The following RIPOR2 variants were observed in gnomAD, a reference collection of about 807,000 sequenced individuals.
RIPOR2 encodes the protein rho family-interacting cell polarization regulator 2.
In RIPOR2, 39 loss-of-function variants were observed where a neutral mutation model predicts 114.5. That is an observed-to-expected ratio of 0.34 (90% CI 0.26 to 0.44). The LOEUF is 0.44. Ranked by LOEUF, RIPOR2 falls within the 20% of genes least tolerant of loss-of-function variation. The pLI is 1.00. For missense variants in RIPOR2, 1,007 were observed against 1,255.1 expected (o/e 0.80, Z 2.99); for synonymous variants, 445 against 484.4 (o/e 0.92, Z 1.07).
intron 1 of RIPOR2, among the ~76,000 whole-genome samples, chr6:24,884,156 C>A (rs1766592032): frequency 6.6e-6 from 1 of 152,132 alleles, no homozygotes; most frequent in Non-Finnish European, 1.5e-5. Context: ...CGCCTGTAAT[C>A]CCAGCACTTT....
chr6:24,808,303 T>C (rs886811105), intron 21 of RIPOR2, among the ~76,000 whole-genome samples: 1 of 152,238 alleles, frequency 6.6e-6, no homozygotes, highest in African/African-American at 2.4e-5. Context: ...AGAAGCTTCG[T>C]TGGCTATGCT....
At chr6:24,885,476 G>A (rs528085814) in intron 1 of RIPOR2, among the ~76,000 whole-genome samples, 11 of 152,048 alleles carry the variant, frequency 7.2e-5, no homozygotes, top group East Asian at 1.9e-4. Flanking sequence ...CTCCTGCCTC[G>A]GCCTCCCAAA....
At chr6:24,977,438 G>A (rs1258934245) in intron 1 of RIPOR2, among the ~76,000 whole-genome samples, 1 of 151,836 alleles carries the variant, frequency 6.6e-6, no homozygotes, top group Non-Finnish European at 1.5e-5. Context: ...TTAAAACAGA[G>A]AAATTCAGAA....
intron 1 of RIPOR2, among the ~76,000 whole-genome samples, chr6:24,953,252 G>T (rs1460884008): frequency 6.6e-6 from 1 of 152,200 alleles, no homozygotes; most frequent in Non-Finnish European, 1.5e-5. Context: ...AGACTCTCTT[G>T]AACCCGGGAG....
chr6:25,016,361 C>T (rs1776002010), intron 1 of RIPOR2, among the ~76,000 whole-genome samples: 1 of 152,174 alleles, frequency 6.6e-6, no homozygotes. Context: ...AAGCTAATCT[C>T]AGCGATTTAA....
At chr6:24,891,197 G>A (rs192007129) in intron 1 of RIPOR2, among the ~76,000 whole-genome samples, 70 of 152,274 alleles carry the variant, frequency 4.6e-4, no homozygotes, top group Non-Finnish European at 7.4e-4. Context: ...TGGCTTCCCA[G>A]AGGCCTGTAC....
chr6:25,008,452 A>C (rs1440321109), intron 1 of RIPOR2, among the ~76,000 whole-genome samples: 1 of 152,252 alleles, frequency 6.6e-6, no homozygotes, highest in Non-Finnish European at 1.5e-5. Context: ...TGCTGTGGCC[A>C]CAAGCGAAGG....
chr6:25,029,411 G>GAAAAAAAAAAAAAAA (rs71544610), intron 1 of RIPOR2, among the ~76,000 whole-genome samples: 1 of 90,636 alleles, frequency 1.1e-5, no homozygotes, highest in African/African-American at 4.2e-5. Flanking sequence ...TCTCAAAAAA[G>GAAAAAAAAAAAAAAA]AAAAAAAAAA....
intron 1 of RIPOR2, among the ~76,000 whole-genome samples, chr6:24,998,919 C>T (rs1252136342): frequency 6.6e-6 from 1 of 151,666 alleles, no homozygotes; most frequent in Non-Finnish European, 1.5e-5. Context: ...ACTTCTTCCA[C>T]AAACTATAGG....
In RIPOR2 at chr6:24,858,190, TC is replaced by T. The variant is rs1382629392; in HGVS notation, c.715+2782del. Among the ~76,000 whole-genome samples the T allele has an allele frequency of 6.6e-6, 1 of 152,208 alleles. No homozygotes were observed. The highest frequency in any genetic ancestry group is 1.5e-5 in the Non-Finnish European group (1 of 68,032). On this transcript the variant is annotated intron_variant, in intron 8 of 21. Coordinates refer to ENST00000643898, the MANE Select transcript of RIPOR2 (RefSeq NM_001286445.3). The surrounding 1 kb of genome is among the most constrained non-coding windows in gnomAD (Gnocchi z 4.0). ...GAATGAGAATGCACAGCCTCATATGTCTGTTTTCTCTGGTAGACCATGTGGA... is the reference window on the plus strand; with the variant it reads ...GAATGAGAATGCACAGCCTCATATGTTGTTTTCTCTGGTAGACCATGTGGA...
chr6:24,991,302 C>T (rs1774802234), intron 1 of RIPOR2, among the ~76,000 whole-genome samples: 1 of 152,224 alleles, frequency 6.6e-6, no homozygotes, highest in South Asian at 2.1e-4. Flanking sequence ...TTCTATCTTA[C>T]ATTACCTTAC....
chr6:24,867,618 G>A (rs564996547), intron 6 of RIPOR2, among the ~76,000 whole-genome samples: 2 of 152,246 alleles, frequency 1.3e-5, no homozygotes, highest in South Asian at 4.1e-4. Context: ...CAGGACCATC[G>A]GTATAGCCAT....
Position 24,883,639 on chromosome 6 carries a change from A to C in RIPOR2, c.62-7822T>G. ...ACATCAATAAAGCTGTTTAAAAAAA[A>C]TCACTACCAATTTCTAGAAAAAGTC... On this transcript the variant is annotated intron_variant, in intron 1 of 21. Coordinates refer to ENST00000643898, the MANE Select transcript of RIPOR2 (RefSeq NM_001286445.3). The surrounding 1 kb of genome is among the most constrained non-coding windows in gnomAD (Gnocchi z 4.1). Among the ~76,000 whole-genome samples the C allele has an allele frequency of 6.6e-6, 1 of 152,224 alleles. No individual in the cohort carries two copies. The highest frequency in any genetic ancestry group is 1.9e-4 in the East Asian group (1 of 5,202).
At chr6:24,911,016 G>A in intron 1 of RIPOR2, 1 of 981,804 alleles carries the variant, frequency 1.0e-6, no homozygotes, top group Non-Finnish European at 1.2e-6. Flanking sequence ...CTGCCCTGCC[G>A]CGTCCGCTCG....
intron 1 of RIPOR2, among the ~76,000 whole-genome samples, chr6:24,912,392 G>A (rs1165670225): frequency 6.6e-6 from 1 of 151,720 alleles, no homozygotes; most frequent in Non-Finnish European, 1.5e-5. Context: ...TTTCCAAATG[G>A]CCACATCTAT....
chr6:24,829,847 A>T (rs1013500702), intron 17 of RIPOR2, among the ~76,000 whole-genome samples: 10 of 152,208 alleles, frequency 6.6e-5, no homozygotes, highest in African/African-American at 2.4e-4. Context: ...GGGTATATTG[A>T]GCTTTAGTAG....
intron 1 of RIPOR2, among the ~76,000 whole-genome samples, chr6:24,943,193 G>C (rs1772229135): frequency 6.6e-6 from 1 of 152,178 alleles, no homozygotes; most frequent in Non-Finnish European, 1.5e-5. Context: ...CCTTTGTAGG[G>C]ACATGGATGA....
intron 12 of RIPOR2, 147 bp from the exon 13 acceptor site, chr6:24,843,701 G>A (rs1761975210): frequency 2.5e-5 from 1 of 40,090 alleles, no homozygotes; most frequent in South Asian, 2.8e-4. Flanking sequence ...TTGATGCCGT[G>A]TGTGTGTGTG....
intron 18 of RIPOR2, among the ~76,000 whole-genome samples, chr6:24,826,202 C>T (rs879703937): frequency 2.0e-5 from 3 of 152,124 alleles, no homozygotes; most frequent in Non-Finnish European, 2.9e-5. Context: ...GCTAGGATTA[C>T]AGGTGTAAGC....
Sources: allele counts gnomAD v4.1 joint callset (sites outside exome capture counted in the v4.1 genomes callset), GRCh38; gene constraint gnomAD v4.1.1; non-coding constraint Gnocchi (gnomAD v3.1); transcripts MANE v1.5; gene names NCBI Gene and HGNC (gene_info 2026-07-23, HGNC 2026-07-21).